Variants in KLF3 observed in about 807,000 individuals in gnomAD.
KLF3 encodes KLF transcription factor 3, also known as Krueppel-like factor 3.
Under a neutral mutation model 32.7 loss-of-function variants are expected in KLF3, and 6 were observed. That is an observed-to-expected ratio of 0.18 (90% CI 0.10 to 0.36). The LOEUF (loss-of-function observed/expected upper bound fraction) is 0.36. KLF3 is among the 10% of genes least tolerant of loss of function. The pLI is 1.00. For missense variants in KLF3, 338 were observed against 449.7 expected (o/e 0.75, Z 2.25); for synonymous variants, 145 against 172.8 (o/e 0.84, Z 1.26).
At chr4:38,669,132 A>G (rs1337589593) in intron 1 of KLF3, among the ~76,000 whole-genome samples, 3 of 151,676 alleles carry the variant, frequency 2.0e-5, no homozygotes, top group Admixed American at 6.6e-5. Flanking sequence ...AATACACACA[A>G]CCTCATTCTT....
chr4:38,678,442 G>A (rs1396236741), intron 1 of KLF3, among the ~76,000 whole-genome samples: 1 of 152,126 alleles, frequency 6.6e-6, no homozygotes, highest in Non-Finnish European at 1.5e-5. Context: ...ACATAAGAGG[G>A]TAGTAGCACT....
chr4:38,678,597 C>A (rs537020649), intron 1 of KLF3, among the ~76,000 whole-genome samples: 3 of 152,310 alleles, frequency 2.0e-5, no homozygotes, highest in East Asian at 1.9e-4. Context: ...AACAGGCTTT[C>A]TTCAATGAAT....
At position 38,671,252 on chromosome 4, in the gene KLF3, G is replaced by A. The variant is rs1415122984; in HGVS notation, c.-40+6791G>A. ...CTCCATTTCCTCATTTCTAAAATGGGGATGAGGACCTGACCCTTCCACCTT... is the reference window on the plus strand; with the variant it reads ...CTCCATTTCCTCATTTCTAAAATGGAGATGAGGACCTGACCCTTCCACCTT... On this transcript the variant is annotated intron_variant, in intron 1 of 5. Transcript: ENST00000261438. This position sits in a 1 kb window ranked among gnomAD's most constrained non-coding sequence, Gnocchi z 4.4. Among the ~76,000 whole-genome samples, 1 of 152,218 alleles carries A rather than the reference G, an allele frequency of 6.6e-6. No homozygotes were observed. The highest frequency in any genetic ancestry group is 1.5e-5 in the Non-Finnish European group (1 of 68,038).
chr4:38,693,278 A>C (rs1722939960), intron 4 of KLF3, among the ~76,000 whole-genome samples: 1 of 151,184 alleles, frequency 6.6e-6, no homozygotes, highest in South Asian at 2.1e-4. Context: ...TAGAGTAGGA[A>C]GGTGAGAGTC....
chr4:38,679,431 G>A (rs780172973), intron 1 of KLF3, among the ~76,000 whole-genome samples: 3 of 152,224 alleles, frequency 2.0e-5, no homozygotes, highest in Non-Finnish European at 4.4e-5. Flanking sequence ...TGGGGAAACA[G>A]GTTGTATTTT....
In KLF3 at chr4:38,674,216, G is replaced by A. The variant is rs534531162; in HGVS notation, c.-39-6371G>A. ...TTAGCTTTGTTTCAGGGAGCCTCCA[G>A]CTTAAAAATGCCTGCTGACATCTGT... is the stretch of plus-strand genomic sequence containing the variant. On this transcript the variant is annotated intron_variant, in intron 1 of 5. Coordinates refer to ENST00000261438, the MANE Select transcript of KLF3 (RefSeq NM_016531.6). The surrounding 1 kb of genome is among the most constrained non-coding windows in gnomAD (Gnocchi z 4.1). Among the ~76,000 whole-genome samples, 2 of 152,252 alleles carry A rather than the reference G, an allele frequency of 1.3e-5. No individual in the cohort carries two copies. Among genetic ancestry groups the A allele is most frequent in the South Asian group, 2.1e-4 (1 of 4,828 alleles).
At chr4:38,676,965 T>G (rs1220108887) in intron 1 of KLF3, among the ~76,000 whole-genome samples, 1 of 150,606 alleles carries the variant, frequency 6.6e-6, no homozygotes, top group Non-Finnish European at 1.5e-5. Context: ...TGTTTTTTTT[T>G]TTTTTTTTTT....
Position 38,699,490 on chromosome 4 carries a change from C to A in KLF3, c.*2227C>A, listed in dbSNP as rs1424700376. 1 of 152,106 alleles carries A rather than the reference C, an allele frequency of 6.6e-6. No individual in the cohort carries two copies. The highest frequency in any genetic ancestry group is 2.1e-4 in the South Asian group (1 of 4,826). The allele number at this position is 152,106 out of a possible 1,614,324, so 9.4% of individuals were successfully genotyped here. On this transcript the variant is annotated 3_prime_UTR_variant, in exon 6 of 6. Transcript: ENST00000261438. ...CCGAGGTAACCAGTTTATGTGTGTTCCAATCCATAGAGAAGTGGGGGAAAG... is the reference window on the plus strand; with the variant it reads ...CCGAGGTAACCAGTTTATGTGTGTTACAATCCATAGAGAAGTGGGGGAAAG...
rs930735544 is a variant in KLF3 at position 38,674,996 on chromosome 4, G to A, written c.-39-5591G>A. 1.3e-5 allele frequency among the ~76,000 whole-genome samples: 2 copies of A among 152,138 alleles called. No individual in the cohort carries two copies. The highest frequency in any genetic ancestry group is 1.9e-4 in the East Asian group (1 of 5,196). On this transcript the variant is annotated intron_variant, in intron 1 of 5. Transcript: ENST00000261438. The surrounding 1 kb of genome is among the most constrained non-coding windows in gnomAD (Gnocchi z 4.1). The stretch of plus-strand genomic sequence containing the variant: ...AGCCCTGCAGCTCACCTGCAGCCCC[G>A]CTCCCCACTCCATAAAGCCATTGTG...
chr4:38,664,963 C>T (rs1472217386), intron 1 of KLF3: 80 of 145,734 alleles, frequency 5.5e-4, no homozygotes, highest in African/African-American at 1.6e-3. Flanking sequence ...AACCCAGGCT[C>T]CCGCGTCCTT....
At chr4:38,687,292 A>G (rs1166273039) in intron 2 of KLF3, among the ~76,000 whole-genome samples, 1 of 152,252 alleles carries the variant, frequency 6.6e-6, no homozygotes, top group African/African-American at 2.4e-5. Context: ...AATGCCTAGT[A>G]AAGATGATGG....
chr4:38,673,434 G>A (rs1178078334), intron 1 of KLF3, among the ~76,000 whole-genome samples: 2 of 152,252 alleles, frequency 1.3e-5, no homozygotes, highest in African/African-American at 4.8e-5. Flanking sequence ...GAGGAGAATT[G>A]TGAGGGCTTA....
chr4:38,694,609 A>G (rs1722995351), intron 4 of KLF3, 137 bp from the exon 5 acceptor site: 1 of 741,906 alleles, frequency 1.3e-6, no homozygotes, highest in Non-Finnish European at 2.2e-6. Context: ...TGGGTTGATC[A>G]GCTAATTTCT....
rs1356629816 is a variant in KLF3 at position 38,671,573 on chromosome 4, G to A, written c.-40+7112G>A. 6.6e-6 allele frequency among the ~76,000 whole-genome samples: 1 copy of A among 152,194 alleles called. No homozygotes were observed. Among genetic ancestry groups the A allele is most frequent in the South Asian group, 2.1e-4 (1 of 4,826 alleles). On this transcript the variant is annotated intron_variant, in intron 1 of 5. Transcript: ENST00000261438. The surrounding 1 kb of genome is among the most constrained non-coding windows in gnomAD (Gnocchi z 4.4). ...CACTATCATGTACTTACTGTTGGTG[G>A]TGTAATGTTGTCCTCTGCCTGGGGA... is the stretch of plus-strand genomic sequence containing the variant.
intron 4 of KLF3, chr4:38,690,679 A>G (rs990626582): frequency 6.6e-6 from 1 of 152,160 alleles, no homozygotes; most frequent in African/African-American, 2.4e-5. Flanking sequence ...GAAGGCAACG[A>G]TTACCTCCAC....
In KLF3 at chr4:38,697,450, C is replaced by T; in HGVS notation, c.*187C>T. The stretch of plus-strand genomic sequence containing the variant: ...TAGATGTTCTCTAATCCTCCCTCTC[C>T]TTACCACGGGTCAGACCTAAAGAAT... On this transcript the variant is annotated 3_prime_UTR_variant, in exon 6 of 6. Coordinates refer to ENST00000261438, the MANE Select transcript of KLF3 (RefSeq NM_016531.6). 4.0e-6 allele frequency: 2 copies of T among 504,424 alleles called. No individual in the cohort carries two copies. Among genetic ancestry groups the T allele is most frequent in the Non-Finnish European group, 6.8e-6 (2 of 294,760 alleles). 31.2% of individuals were successfully genotyped at this position (504,424 alleles called of 1,614,324 possible).
chr4:38,692,608 C>T (rs1254503375), intron 4 of KLF3, among the ~76,000 whole-genome samples: 6 of 152,042 alleles, frequency 3.9e-5, no homozygotes, highest in Admixed American at 6.5e-5. Flanking sequence ...ACAGAGAGGG[C>T]GAGATCTTGG....
At chr4:38,670,599 A>G (rs952558293) in intron 1 of KLF3, among the ~76,000 whole-genome samples, 8 of 152,148 alleles carry the variant, frequency 5.3e-5, no homozygotes, top group African/African-American at 1.9e-4. Flanking sequence ...AAAGCTTCAC[A>G]CTCCAAAGCC....
chr4:38,672,832 G>A (rs1315066576), intron 1 of KLF3, among the ~76,000 whole-genome samples: 1 of 152,204 alleles, frequency 6.6e-6, no homozygotes, highest in East Asian at 1.9e-4. Flanking sequence ...CAATGCAGGT[G>A]GGAGGCGCTG....
Sources: gnomAD v4.1 joint callset for allele counts (sites outside exome capture counted in the v4.1 genomes callset) on GRCh38, gnomAD v4.1.1 for gene constraint, Gnocchi (gnomAD v3.1) non-coding constraint, MANE v1.5 for transcripts, NCBI Gene and HGNC (gene_info 2026-07-23, HGNC 2026-07-21) for gene names.